The following EPHB4 variants were observed in gnomAD, a reference collection of about 807,000 sequenced individuals.
The protein encoded by EPHB4 is EPH receptor B4, also known as ephrin type-B receptor 4.
A neutral mutation model predicts 110.6 loss-of-function variants in EPHB4; 50 were observed. That is an observed-to-expected ratio of 0.45 (90% confidence interval 0.36 to 0.57). The LOEUF is 0.57. Ranked by LOEUF, EPHB4 falls within the 20% of genes least tolerant of loss-of-function variation. EPHB4 has a pLI of 0.00. For missense variants in EPHB4, 1,128 were observed against 1,382.1 expected (o/e 0.82, Z 2.91); for synonymous variants, 592 against 578.4 (o/e 1.02, Z -0.34).
At chr7:100,813,060 C>T (rs780630850) in intron 11 of EPHB4, 35 bp downstream of exon 11, 20 of 1,612,780 alleles carry the variant, frequency 1.2e-5, no homozygotes, top group South Asian at 6.6e-5. Flanking sequence ...ACCCCCGCTT[C>T]GTTCCCAGGT....
At chr7:100,813,536 G>A (rs1812996456) in intron 10 of EPHB4, 116 bp downstream of exon 10, 16 of 1,115,484 alleles carry the variant, frequency 1.4e-5, no homozygotes, top group Non-Finnish European at 1.9e-5. Flanking sequence ...GGCTGGTCTC[G>A]AACTCCTGAC....
chr7:100,827,043 C>G lies in EPHB4; in HGVS notation c.-13G>C. 1 of 1,577,044 alleles carries G rather than the reference C, an allele frequency of 6.3e-7. No homozygotes were observed. The highest frequency in any genetic ancestry group is 8.6e-7 in the Non-Finnish European group (1 of 1,161,686). ...CCCGGAGCTCCATGGCGCCGCCTCACTCGGGTAGGATCCGAACTGAGTTTG... is the reference window on the plus strand; with the variant it reads ...CCCGGAGCTCCATGGCGCCGCCTCAGTCGGGTAGGATCCGAACTGAGTTTG... On this transcript the variant is annotated 5_prime_UTR_variant, in exon 1 of 17. Coordinates refer to ENST00000358173, the MANE Select transcript of EPHB4 (RefSeq NM_004444.5).
At position 100,824,225 on chromosome 7, in the gene EPHB4, G is replaced by A; in HGVS notation, c.101C>T (p.Thr34Ile). The change falls in exon 2 of 17, where the codon ACA (threonine) becomes ATA (isoleucine). Residue 34 changes from threonine (T) to isoleucine (I), a missense_variant. By Grantham distance (89) the Thr-to-Ile change is moderately conservative. Transcript: ENST00000358173. ...KLETADLKWV[T>I]FPQVDGQWEE... is the part of the protein sequence containing the mutation. ...CACCTGCCCGTCCACCTGAGGGAATGTCACCCACTTCAGATCAGCAGTTTC... is the reference window on the plus strand; with the variant it reads ...CACCTGCCCGTCCACCTGAGGGAATATCACCCACTTCAGATCAGCAGTTTC... The A allele has an allele frequency of 1.2e-6, 2 of 1,614,046 alleles. No homozygotes were observed. Among genetic ancestry groups the A allele is most frequent in the East Asian group, 2.2e-5 (1 of 44,870 alleles).
At chr7:100,823,580 G>C in intron 3 of EPHB4, 64 bp downstream of exon 3, 1 of 1,569,474 alleles carries the variant, frequency 6.4e-7, no homozygotes, top group Non-Finnish European at 8.6e-7. Context: ...TGCCCTCCAG[G>C]CCACGGGCCT....
intron 7 of EPHB4, among the ~76,000 whole-genome samples, chr7:100,817,853 T>G (rs1429533816): frequency 7.4e-6 from 1 of 134,938 alleles, no homozygotes; most frequent in Admixed American, 9.0e-5. Context: ...TTTAAGTATT[T>G]TTTGCGTTTT....
Position 100,803,325 on chromosome 7 carries a change from C to T in EPHB4, c.*136G>A. ...ATGGCAGAACCCCCAAATCCTGTCT[C>T]TCCAAATTGCCAACTCCTCACCCCA... is the stretch of plus-strand genomic sequence containing the variant. On this transcript the variant is annotated 3_prime_UTR_variant, in exon 17 of 17. Coordinates refer to ENST00000358173, the MANE Select transcript of EPHB4 (RefSeq NM_004444.5). The T allele has an allele frequency of 9.0e-7, 1 of 1,117,256 alleles. No individual in the cohort carries two copies. The allele number at this position is 1,117,256 out of a possible 1,614,324, so 69.2% of individuals were successfully genotyped here.
In EPHB4 at chr7:100,804,308, CTTTTTTTTTTTTTTT is replaced by C. The variant is rs11338293; in HGVS notation, c.2835-733_2835-719del. On this transcript the variant is annotated intron_variant, in intron 16 of 16. Coordinates refer to ENST00000358173, the MANE Select transcript of EPHB4 (RefSeq NM_004444.5). ...GAGCCACCACCTGGCCTTCACATTT[CTTTTTTTTTTTTTTT>C]TTTTTTTTTGAGATGGAATTTCACT... is the stretch of plus-strand genomic sequence containing the variant. Among the ~76,000 whole-genome samples, 287 of 71,630 alleles carry C rather than the reference CTTTTTTTTTTTTTTT, an allele frequency of 4.0e-3. 4 individuals are homozygous for C. The highest frequency in any genetic ancestry group is 0.015 in the African/African-American group (274 of 18,792). 47.0% of individuals were successfully genotyped at this position (71,630 alleles called of 152,430 possible). A position where few individuals can be genotyped will look rare whatever the true frequency, so the allele number is the denominator to read the frequency against.
At chr7:100,823,457 C>G (rs1427637557) in intron 3 of EPHB4, among the ~76,000 whole-genome samples, 187 bp downstream of exon 3, 1 of 152,084 alleles carries the variant, frequency 6.6e-6, no homozygotes, top group Non-Finnish European at 1.5e-5. Context: ...GGCCAGGCAG[C>G]CCCCGTATAT....
chr7:100,824,357 T>A, intron 1 of EPHB4, 84 bp from the exon 2 acceptor site: 5 of 1,432,880 alleles, frequency 3.5e-6, no homozygotes, highest in South Asian at 1.1e-5. Flanking sequence ...CCGAGGCAGG[T>A]GGATCCTCTT....
intron 10 of EPHB4, 98 bp downstream of exon 10, chr7:100,813,554 G>A: frequency 7.5e-7 from 1 of 1,325,082 alleles, no homozygotes; most frequent in Non-Finnish European, 1.1e-6. Context: ...GACCTCAAGT[G>A]ATCTGCCCAC....
intron 12 of EPHB4, among the ~76,000 whole-genome samples, chr7:100,810,727 G>C (rs1372103106): frequency 1.3e-5 from 2 of 152,058 alleles, no homozygotes; most frequent in Non-Finnish European, 2.9e-5. Context: ...CTGGGCGAAA[G>C]GGCAAGACCT....
chr7:100,803,649 C>T, intron 16 of EPHB4, 59 bp from the exon 17 acceptor site: 1 of 1,522,532 alleles, frequency 6.6e-7, no homozygotes, highest in Non-Finnish European at 8.9e-7. Flanking sequence ...GCTCTCCTCT[C>T]TTGGCTCCTG....
chr7:100,825,441 G>A (rs192946744), intron 1 of EPHB4: 2 of 152,278 alleles, frequency 1.3e-5, no homozygotes, highest in Admixed American at 6.5e-5. Context: ...TCTCTGCCTC[G>A]GGCTGTCCGC....
rs1184900736 is a variant in EPHB4, at chr7:100,827,508, G to C, written c.-478C>G. The C allele has an allele frequency of 6.6e-6, 1 of 151,596 alleles. No individual in the cohort carries two copies. The highest frequency in any genetic ancestry group is 1.5e-5 in the Non-Finnish European group (1 of 67,762). 9.4% of individuals were successfully genotyped at this position (151,596 alleles called of 1,614,324 possible). A position where few individuals can be genotyped will look rare whatever the true frequency, so the allele number is the denominator to read the frequency against. On this transcript the variant is annotated 5_prime_UTR_variant, in exon 1 of 17. Coordinates refer to ENST00000358173, the MANE Select transcript of EPHB4 (RefSeq NM_004444.5). ...GGGCGGGCCGGGCCGGGCAGGGGCT[G>C]AGCTGCGCTGGAACTGGGCCGGGCG...
At chr7:100,826,600 G>A (rs1236144816) in intron 1 of EPHB4, among the ~76,000 whole-genome samples, 1 of 152,082 alleles carries the variant, frequency 6.6e-6, no homozygotes, top group Admixed American at 6.5e-5. Flanking sequence ...TGCTTCTCCA[G>A]AAACCTTCCC....
At position 100,813,920 on chromosome 7, in the gene EPHB4, T is replaced by C; in HGVS notation, c.1690A>G (p.Arg564Gly). 6.2e-7 allele frequency: 1 copy of C among 1,613,958 alleles called. No homozygotes were observed. The highest frequency in any genetic ancestry group is 8.5e-7 in the Non-Finnish European group (1 of 1,179,990). Residue 564 changes from arginine to glycine, a missense_variant and splice_region_variant, in exon 9 of 17, where the codon AGG becomes GGG. Transcript: ENST00000358173. ...GCCTCTGGGTGTCAGAGCCCTTACC[T>C]GAGGCAGAGAACTGCGACCACAATG... ...VVIVVAVLCL[R>G]KQSNGREAEY...
Position 100,817,191 on chromosome 7 carries a change from C to G in EPHB4, c.1588+1G>C. The G allele has an allele frequency of 6.5e-7, 1 of 1,532,460 alleles. No individual in the cohort carries two copies. Among genetic ancestry groups the G allele is most frequent in the Non-Finnish European group, 8.8e-7 (1 of 1,140,578 alleles). 94.9% of individuals were successfully genotyped at this position (1,532,460 alleles called of 1,614,324 possible). On this transcript the variant is annotated splice_donor_variant, in intron 8 of 16. Transcript: ENST00000358173. LOFTEE classifies it high-confidence loss of function. Reference sequence around the variant, plus strand: ...ACCCTCACCCCCTTCCCCAGGCTCACCATCCAGTTGGGTCTGGCTGTGATG... The same window carrying G: ...ACCCTCACCCCCTTCCCCAGGCTCAGCATCCAGTTGGGTCTGGCTGTGATG...
intron 14 of EPHB4, 84 bp downstream of exon 14, chr7:100,806,336 G>A (rs1812816761): frequency 6.7e-7 from 1 of 1,489,222 alleles, no homozygotes; most frequent in East Asian, 2.3e-5. Context: ...CAGCAGTGAT[G>A]ACTCTCTGGG....
chr7:100,825,023 G>C (rs540542993), intron 1 of EPHB4: 1 of 151,980 alleles, frequency 6.6e-6, no homozygotes, highest in Non-Finnish European at 1.5e-5. Flanking sequence ...GAGGAAGGGG[G>C]GGGATTAGGA....
Sources: allele counts gnomAD v4.1 joint callset (sites outside exome capture counted in the v4.1 genomes callset), GRCh38; gene constraint gnomAD v4.1.1; transcripts MANE v1.5; gene names NCBI Gene and HGNC (gene_info 2026-07-23, HGNC 2026-07-21).